The following IL31RA variants were observed in gnomAD, a reference collection of about 807,000 sequenced individuals.
IL31RA encodes interleukin-31 receptor subunit alpha.
IL31RA carries 66 observed loss-of-function variants against 83.7 expected under a neutral mutation model. The ratio of observed to expected loss-of-function variants is 0.79; its 90% CI spans 0.65 to 0.97. IL31RA has a LOEUF of 0.97. Ranked by LOEUF, IL31RA falls within the 50% of genes least tolerant of loss-of-function variation. The pLI, the probability that IL31RA is intolerant of heterozygous loss-of-function variation, is 0.00. For missense variants in IL31RA, 798 were observed against 919.4 expected, an observed-to-expected ratio of 0.87 and a Z score of 1.71; for synonymous variants, 325 against 329.0, an observed-to-expected ratio of 0.99 and a Z score of 0.13.
At chr5:55,907,276 T>C in intron 9 of IL31RA, 83 bp from the exon 10 acceptor site, 1 of 788,902 alleles carries the variant, frequency 1.3e-6, no homozygotes, top group Non-Finnish European at 2.2e-6. Flanking sequence ...CTTCTATAAG[T>C]GTTTGGCCAT....
chr5:55,866,536 G>A (rs2112341999), intron 2 of IL31RA: 1 of 152,662 alleles, frequency 6.6e-6, no homozygotes, highest in South Asian at 2.1e-4. Context: ...TCTGAGGCAG[G>A]GGTAGGGGTG....
intron 4 of IL31RA, among the ~76,000 whole-genome samples, chr5:55,873,382 T>C (rs1713221194): frequency 6.6e-6 from 1 of 152,144 alleles, no homozygotes; most frequent in Admixed American, 6.6e-5. Flanking sequence ...GTATACAATT[T>C]TTTGTGTGGA....
chr5:55,915,511 GGTT>G (rs1458369594), intron 14 of IL31RA, among the ~76,000 whole-genome samples: 3 of 152,110 alleles, frequency 2.0e-5, no homozygotes, highest in Non-Finnish European at 4.4e-5. Flanking sequence ...GAAATTTTAA[GGTT>G]TAATTTCTTG....
chr5:55,922,363 G>A lies in IL31RA; in HGVS notation c.*5243G>A, dbSNP rs528670006. On this transcript the variant is annotated 3_prime_UTR_variant, in exon 15 of 15. Coordinates refer to ENST00000652347, the MANE Select transcript of IL31RA (RefSeq NM_139017.7). ...ATGCTCTCGTGGCTGTTCAAGGGAA[G>A]TGAGATACTTGTACTATGCATTTCA... 1.3e-6 allele frequency: 2 copies of A among 1,543,494 alleles called. No homozygotes were observed. The highest frequency in any genetic ancestry group is 2.4e-5 in the East Asian group (1 of 40,910).
chr5:55,881,993 G>A (rs1451403298), intron 4 of IL31RA, among the ~76,000 whole-genome samples: 2 of 152,126 alleles, frequency 1.3e-5, no homozygotes, highest in Non-Finnish European at 2.9e-5. Context: ...TTACAGATGT[G>A]AGCCACTGCG....
At chr5:55,852,541 T>C (rs1745126611) in intron 1 of IL31RA, among the ~76,000 whole-genome samples, 1 of 152,288 alleles carries the variant, frequency 6.6e-6, no homozygotes, top group South Asian at 2.1e-4. Flanking sequence ...CCCTTATTCC[T>C]CCTACTTAGT....
At position 55,890,053 on chromosome 5, in the gene IL31RA, C is replaced by G; in HGVS notation, c.690C>G (p.Val230=). The change falls in exon 6 of 15, where the codon GTC becomes GTG. Residue 230 remains valine, a synonymous_variant. Coordinates refer to ENST00000652347, the MANE Select transcript of IL31RA (RefSeq NM_139017.7). ...GGCTGCAGCCTTTTACAGAATATGT[C>G]ATAGCTCTGCGATGTGCGGTCAAGG... is the stretch of plus-strand genomic sequence containing the variant. The part of the protein sequence containing the change: ...LTGLQPFTEY[V]IALRCAVKES... The G allele has an allele frequency of 6.2e-7, 1 of 1,613,964 alleles. No individual in the cohort carries two copies.
At position 55,910,551 on chromosome 5, in the gene IL31RA, C is replaced by T; in HGVS notation, c.1521C>T (p.Ser507=). Residue 507 remains serine, a synonymous_variant, in exon 12 of 15, where the codon AGC becomes AGT. Transcript: ENST00000652347. ...GKGFSKTVNS[S]ILQYGLESLK... The stretch of plus-strand genomic sequence containing the variant: ...CTTTAGCCAAGACAGTCAATTCCAG[C>T]ATCTTGCAGTACGGCCTGGAGTCCC... 1 of 1,614,194 alleles carries T rather than the reference C, an allele frequency of 6.2e-7. No homozygotes were observed. Among genetic ancestry groups the T allele is most frequent in the Non-Finnish European group, 8.5e-7 (1 of 1,180,030 alleles).
chr5:55,880,169 G>A (rs79541464), intron 4 of IL31RA, among the ~76,000 whole-genome samples: 247 of 152,222 alleles, frequency 1.6e-3, no homozygotes, highest in African/African-American at 5.7e-3. Flanking sequence ...TAATTTTATG[G>A]AAATACTTAA....
the IL31RA span, among the ~76,000 whole-genome samples, chr5:55,843,522 G>A: frequency 3.3e-5 from 5 of 152,162 alleles, no homozygotes; most frequent in African/African-American, 1.2e-4. Context: ...TGTAGTTGCT[G>A]ATTTTCTGCC....
the IL31RA span, among the ~76,000 whole-genome samples, chr5:55,845,739 A>T: frequency 6.6e-6 from 1 of 152,180 alleles, no homozygotes; most frequent in Admixed American, 6.5e-5. Flanking sequence ...TGTGGAATTT[A>T]TAAAGGAAAC....
At chr5:55,864,627 C>G (rs368897089) in intron 2 of IL31RA, among the ~76,000 whole-genome samples, 2 of 151,586 alleles carry the variant, frequency 1.3e-5, no homozygotes, top group African/African-American at 4.9e-5. Context: ...CACACACACA[C>G]AGACCACACG....
chr5:55,892,987 G>A lies in IL31RA; in HGVS notation c.772+2852G>A, dbSNP rs117243720. Among the ~76,000 whole-genome samples the A allele has an allele frequency of 3.7e-4, 56 of 152,254 alleles. No individual in the cohort carries two copies. In the East Asian group the frequency reaches 9.6e-3, roughly 26 times the overall value. ...TTTCTTGTTTTCAAATTTATAAAGCGTGTGTTTTCCTATTTCAATGAAATG... is the reference window on the plus strand; with the variant it reads ...TTTCTTGTTTTCAAATTTATAAAGCATGTGTTTTCCTATTTCAATGAAATG... On this transcript the variant is annotated intron_variant, in intron 6 of 14. Transcript: ENST00000652347.
intron 1 of IL31RA, chr5:55,853,642 C>T (rs1745192085): frequency 6.7e-7 from 1 of 1,493,920 alleles, no homozygotes; most frequent in African/African-American, 1.4e-5. Context: ...TTTCTGTTTT[C>T]TTCAGTGAAA....
intron 4 of IL31RA, among the ~76,000 whole-genome samples, chr5:55,873,467 T>C (rs1746659539): frequency 6.6e-6 from 1 of 152,156 alleles, no homozygotes; most frequent in South Asian, 2.1e-4. Context: ...TAACTTTTGG[T>C]AGAACTGCTA....
At position 55,914,830 on chromosome 5, in the gene IL31RA, ATCT is replaced by A. The variant is rs1241742442; in HGVS notation, c.1737-13_1737-11del. On this transcript the variant is annotated splice_polypyrimidine_tract_variant and intron_variant, in intron 13 of 14. Transcript: ENST00000652347. ...TCTTGGATTCAATTCCCATCTTAAA[ATCT>A]TCTCTCTCATTAGCAAATTGACTCA... 6.3e-7 allele frequency: 1 copy of A among 1,587,042 alleles called. No homozygotes were observed. The highest frequency in any genetic ancestry group is 1.1e-5 in the South Asian group (1 of 90,564).
In IL31RA at chr5:55,900,073, A is replaced by G. The variant is rs1748719261; in HGVS notation, c.1010A>G (p.Tyr337Cys). Residue 337 changes from tyrosine to cysteine, a missense_variant, in exon 8 of 15, where the codon TAT becomes TGT. Physicochemically the swap from Tyr to Cys is radical, Grantham distance 194. Transcript: ENST00000652347. Reference protein sequence around the residue: ...GESFWVSMISYNSLGKSPVAT... With the variant: ...GESFWVSMISCNSLGKSPVAT... ...AGCTTTTGGGTGTCTATGATTTCTT[A>G]TAATTCTCTTGGGAAGTCTCCAGTG... 3 of 1,614,158 alleles carry G rather than the reference A, an allele frequency of 1.9e-6. No homozygotes were observed. In the East Asian group the frequency reaches 6.7e-5, roughly 36 times the overall value.
chr5:55,921,423 G>C lies in IL31RA; in HGVS notation c.*4303G>C, dbSNP rs1203367804. ...TGCTAAGGCATCCCTTGGTTGATAG[G>C]ATTCGTTTAAAGGTCCTCCTAGTAT... On this transcript the variant is annotated 3_prime_UTR_variant, in exon 15 of 15. Coordinates refer to ENST00000652347, the MANE Select transcript of IL31RA (RefSeq NM_139017.7). Among the ~76,000 whole-genome samples, 1 of 152,222 alleles carries C rather than the reference G, an allele frequency of 6.6e-6. No homozygotes were observed. The highest frequency in any genetic ancestry group is 1.5e-5 in the Non-Finnish European group (1 of 68,038).
chr5:55,843,483 T>A, the IL31RA span, among the ~76,000 whole-genome samples: 1 of 152,194 alleles, frequency 6.6e-6, no homozygotes, highest in Non-Finnish European at 1.5e-5. Context: ...ATAATGATAT[T>A]CTGCAGCTAT....
Sources: allele counts gnomAD v4.1 joint callset (sites outside exome capture counted in the v4.1 genomes callset), GRCh38; gene constraint gnomAD v4.1.1; transcripts MANE v1.5; gene names NCBI Gene and HGNC (gene_info 2026-07-23, HGNC 2026-07-21).